The following RAB4A variants were observed in gnomAD, a reference collection of about 807,000 sequenced individuals.
RAB4A encodes RAB4A, member RAS oncogene family, also known as ras-related protein Rab-4A.
A neutral mutation model predicts 34.5 loss-of-function variants in RAB4A; 20 were observed. The ratio of observed to expected loss-of-function variants is 0.58; its 90% CI spans 0.41 to 0.84. The LOEUF is 0.84. RAB4A is among the 40% of genes least tolerant of loss of function. The probability of loss-of-function intolerance (pLI) is 0.00; values close to 1 mark genes in which losing one functional copy is unlikely to be tolerated. For missense variants in RAB4A, 228 were observed against 274.5 expected, an observed-to-expected ratio of 0.83 and a Z score of 1.20; for synonymous variants, 102 against 100.0, an observed-to-expected ratio of 1.02 and a Z score of -0.12.
intron 5 of RAB4A, among the ~76,000 whole-genome samples, chr1:229,298,201 T>C (rs1190436069): frequency 6.6e-6 from 1 of 152,206 alleles, no homozygotes; most frequent in Non-Finnish European, 1.5e-5. Context: ...AACTTTAATT[T>C]TTAGAACCAA....
chr1:229,295,982 G>A, intron 4 of RAB4A, 72 bp downstream of exon 4: 3 of 1,500,670 alleles, frequency 2.0e-6, no homozygotes, highest in Admixed American at 1.7e-5. Context: ...TTGGCGAGGT[G>A]CCCTCCGTGC....
At chr1:229,289,039 A>G (rs1311835746) in intron 3 of RAB4A, 196 bp downstream of exon 3, 1 of 541,194 alleles carries the variant, frequency 1.8e-6, no homozygotes, top group Non-Finnish European at 3.3e-6. Flanking sequence ...ATGGATTACT[A>G]AAGAATACAG....
At chr1:229,286,830 G>T (rs1004429169) in intron 2 of RAB4A, among the ~76,000 whole-genome samples, 11 of 152,188 alleles carry the variant, frequency 7.2e-5, no homozygotes, top group Non-Finnish European at 1.5e-5. Flanking sequence ...AGATAGCAGA[G>T]GGGTTCTGTG....
rs571277185 is a variant in RAB4A at position 229,290,369 on chromosome 1, C to T, written c.227+1526C>T. ...CCACCTCCCCTACCTCTTCCCTGGT[C>T]GCTGGCAGCCAGGTGTGTATGTCCC... is the stretch of plus-strand genomic sequence containing the variant. On this transcript the variant is annotated intron_variant, in intron 3 of 7. Transcript: ENST00000366690. 7.0e-4 allele frequency among the ~76,000 whole-genome samples: 106 copies of T among 152,258 alleles called. 1 individual carries two copies. Among genetic ancestry groups the T allele is most frequent in the African/African-American group, 2.1e-3 (89 of 41,544 alleles).
At position 229,297,563 on chromosome 1, in the gene RAB4A, T is replaced by C. The variant is rs1461964211; in HGVS notation, c.372T>C (p.Cys124=). The change falls in exon 5 of 8, where the codon TGT becomes TGC. Residue 124 remains cysteine (C), a synonymous_variant. Transcript: ENST00000366690. ...LASQNIVIIL[C]GNKKDLDADR... ...GCCAGAACATTGTGATCATCCTTTG[T>C]GGAAACAAGAAGGACCTGGATGCAG... is the stretch of plus-strand genomic sequence containing the variant. 6.2e-7 allele frequency: 1 copy of C among 1,613,296 alleles called. No individual in the cohort carries two copies. The highest frequency in any genetic ancestry group is 8.5e-7 in the Non-Finnish European group (1 of 1,179,948).
intron 1 of RAB4A, among the ~76,000 whole-genome samples, chr1:229,278,052 A>G (rs370109715): frequency 0.017 from 2,630 of 151,204 alleles, 80 homozygotes; most frequent in African/African-American, 0.061. Context: ...TTTAGTAGAG[A>G]CGGGGTTTCA....
At chr1:229,296,884 G>A (rs893374390) in intron 4 of RAB4A, among the ~76,000 whole-genome samples, 27 of 152,350 alleles carry the variant, frequency 1.8e-4, no homozygotes, top group Admixed American at 1.7e-3. Context: ...TCAATCCTTA[G>A]ACACATGAGG....
chr1:229,287,742 T>C (rs369277533), intron 2 of RAB4A, among the ~76,000 whole-genome samples: 16 of 152,320 alleles, frequency 1.1e-4, no homozygotes, highest in African/African-American at 3.8e-4. Flanking sequence ...AGTTCTATAC[T>C]GTCTGGGCAT....
chr1:229,290,972 C>T (rs1384252522), intron 3 of RAB4A, among the ~76,000 whole-genome samples: 1 of 152,098 alleles, frequency 6.6e-6, no homozygotes, highest in Admixed American at 6.6e-5. Flanking sequence ...GGAAAAAGTC[C>T]AGACCAGAGC....
At chr1:229,284,094 GTTTTT>G (rs773213321) in intron 1 of RAB4A, among the ~76,000 whole-genome samples, 1 of 45,904 alleles carries the variant, frequency 2.2e-5, no homozygotes, top group Non-Finnish European at 3.8e-5. Context: ...GTGTTGTTTG[GTTTTT>G]TTTTTTTTTT....
In RAB4A at chr1:229,271,206, G is replaced by T. The variant is rs976635904; in HGVS notation, c.-134G>T. The T allele has an allele frequency of 1.1e-6, 1 of 893,970 alleles. No individual in the cohort carries two copies. Among genetic ancestry groups the T allele is most frequent in the Non-Finnish European group, 1.5e-6 (1 of 682,988 alleles). The allele number at this position is 893,970 out of a possible 1,614,324, so 55.4% of individuals were successfully genotyped here. Reference sequence around the variant, plus strand: ...CTGGGCCGCAGCCGCTGGGAGACCGGCGGTTGCCGTGGGGACCGGTCGGGC... The same window carrying T: ...CTGGGCCGCAGCCGCTGGGAGACCGTCGGTTGCCGTGGGGACCGGTCGGGC... On this transcript the variant is annotated 5_prime_UTR_variant, in exon 1 of 8. Transcript: ENST00000366690.
chr1:229,293,221 C>A (rs865799564), intron 3 of RAB4A, among the ~76,000 whole-genome samples: 1 of 152,224 alleles, frequency 6.6e-6, no homozygotes, highest in Admixed American at 6.5e-5. Flanking sequence ...CCCAGGAGCT[C>A]TCTGACCCCC....
intron 1 of RAB4A, among the ~76,000 whole-genome samples, chr1:229,284,503 T>C (rs1290568305): frequency 3.3e-5 from 5 of 152,186 alleles, no homozygotes; most frequent in Non-Finnish European, 7.4e-5. Context: ...GGTAATTTTT[T>C]TGCACATCAA....
At position 229,302,282 on chromosome 1, in the gene RAB4A, TATATATATATATA is replaced by T. The variant is rs1657413251; in HGVS notation, c.542-579_542-567del. On this transcript the variant is annotated intron_variant, in intron 6 of 7. Coordinates refer to ENST00000366690, the MANE Select transcript of RAB4A (RefSeq NM_004578.4). ...TTATATATATATATATATATATATATATATATATATATATATATATATATATATTTTTTTTTTT... is the reference window on the plus strand; with the variant it reads ...TTATATATATATATATATATATATATTATATATATATATATTTTTTTTTTT... Among the ~76,000 whole-genome samples, 21 of 19,370 alleles carry T rather than the reference TATATATATATATA, an allele frequency of 1.1e-3. 1 individual carries two copies. The highest frequency in any genetic ancestry group is 3.7e-3 in the Admixed American group (7 of 1,876). The allele number at this position is 19,370 out of a possible 152,430, so 12.7% of individuals were successfully genotyped here. A position where few individuals can be genotyped will look rare whatever the true frequency, so the allele number is the denominator to read the frequency against.
rs531234970 is a variant in RAB4A at position 229,289,441 on chromosome 1, T to C, written c.227+598T>C. Among the ~76,000 whole-genome samples the C allele has an allele frequency of 3.9e-5, 6 of 152,376 alleles. No individual in the cohort carries two copies. In the South Asian group the frequency reaches 1.2e-3, roughly 32 times the overall value. The stretch of plus-strand genomic sequence containing the variant: ...TGCACAAAGTCAGAACTGATATTCA[T>C]AGTTTTATAATTCAGTGAAATAAAA... On this transcript the variant is annotated intron_variant, in intron 3 of 7. Transcript: ENST00000366690.
In RAB4A at chr1:229,304,651, G is replaced by C. The variant is rs528365328; in HGVS notation, c.*858G>C. 1 of 152,422 alleles carries C rather than the reference G, an allele frequency of 6.6e-6. No individual in the cohort carries two copies. Among genetic ancestry groups the C allele is most frequent in the Admixed American group, 6.5e-5 (1 of 15,288 alleles). 9.4% of individuals were successfully genotyped at this position (152,422 alleles called of 1,614,324 possible). The stretch of plus-strand genomic sequence containing the variant: ...TGGTCTCCCTGCTAGAAAACACATT[G>C]TACTGTGCTTTTTCTGGAATTCAGT... On this transcript the variant is annotated 3_prime_UTR_variant, in exon 8 of 8. Coordinates refer to ENST00000366690, the MANE Select transcript of RAB4A (RefSeq NM_004578.4).
intron 6 of RAB4A, among the ~76,000 whole-genome samples, chr1:229,300,172 TCGAGGC>T (rs1657343822): frequency 6.6e-6 from 1 of 152,190 alleles, no homozygotes; most frequent in Non-Finnish European, 1.5e-5. Flanking sequence ...TGAAGTATGG[TCGAGGC>T]ACCAGTGTTT....
At chr1:229,277,741 T>C (rs990759953) in intron 1 of RAB4A, among the ~76,000 whole-genome samples, 3 of 151,328 alleles carry the variant, frequency 2.0e-5, no homozygotes, top group African/African-American at 7.4e-5. Context: ...AGGTCTCTTC[T>C]ACCACCTCTT....
At chr1:229,271,947 C>A (rs1656496050) in intron 1 of RAB4A, among the ~76,000 whole-genome samples, 1 of 152,138 alleles carries the variant, frequency 6.6e-6, no homozygotes, top group South Asian at 2.1e-4. Flanking sequence ...TTCTGGGTTG[C>A]ATTTTGGCTA....
Sources: allele counts gnomAD v4.1 joint callset (sites outside exome capture counted in the v4.1 genomes callset), GRCh38; gene constraint gnomAD v4.1.1; transcripts MANE v1.5; gene names NCBI Gene and HGNC (gene_info 2026-07-23, HGNC 2026-07-21).